IREB2: variants seen among roughly 807,000 people sequenced by gnomAD.
IREB2 encodes iron-responsive element-binding protein 2.
Under a neutral mutation model 118.8 loss-of-function variants are expected in IREB2, and 39 were observed. The observed-to-expected ratio is 0.33, with a 90% confidence interval of 0.25 to 0.43. The LOEUF (loss-of-function observed/expected upper bound fraction) is 0.43. Ranked by LOEUF, IREB2 falls within the 20% of genes least tolerant of loss-of-function variation. The pLI is 1.00. For synonymous variants in IREB2, 372 were observed against 392.2 expected, an observed-to-expected ratio of 0.95 and a Z score of 0.61; for missense variants, 900 against 1,147.3, an observed-to-expected ratio of 0.78 and a Z score of 3.11.
chr15:78,439,956 G>T (rs1174570331), intron 2 of IREB2, 75 bp downstream of exon 2: 1 of 900,374 alleles, frequency 1.1e-6, no homozygotes, highest in East Asian at 2.5e-5. Context: ...CTGAGCTGAA[G>T]AAATTTTAAA....
chr15:78,467,020 C>T (rs1003307464), intron 5 of IREB2, among the ~76,000 whole-genome samples: 1 of 151,430 alleles, frequency 6.6e-6, no homozygotes, highest in African/African-American at 2.4e-5. Context: ...AGTTTGAGAC[C>T]AGCCTGGGCA....
chr15:78,487,742 C>A lies in IREB2; in HGVS notation c.1719C>A (p.Ile573=), dbSNP rs199811748. 6.3e-7 allele frequency: 1 copy of A among 1,592,714 alleles called. No individual in the cohort carries two copies. The highest frequency in any genetic ancestry group is 8.6e-7 in the Non-Finnish European group (1 of 1,162,028). The stretch of plus-strand genomic sequence containing the variant: ...TTTTTTTGAAATGCAGATTTGAAAT[C>A]GTTGGCTATGGATGTTCAATTTGTG... ...LPYLSKLGFE[I]VGYGCSICVG... is the part of the protein sequence containing the mutation. Residue 573 remains isoleucine (I), a synonymous_variant, in exon 14 of 22, where the codon ATC becomes ATA. Coordinates refer to ENST00000258886, the MANE Select transcript of IREB2 (RefSeq NM_004136.4).
At chr15:78,445,132 CTT>C in intron 2 of IREB2, among the ~76,000 whole-genome samples, 1 of 134,494 alleles carries the variant, frequency 7.4e-6, no homozygotes, top group Non-Finnish European at 1.7e-5. Flanking sequence ...TGGTTCCAGT[CTT>C]TATTTTTTTT....
At chr15:78,444,525 G>A (rs1202917039) in intron 2 of IREB2, among the ~76,000 whole-genome samples, 1 of 151,908 alleles carries the variant, frequency 6.6e-6, no homozygotes, top group Non-Finnish European at 1.5e-5. Flanking sequence ...TTTAACCACA[G>A]TACTGCTTAG....
intron 4 of IREB2, 75 bp downstream of exon 4, chr15:78,465,463 A>T: frequency 1.5e-6 from 2 of 1,317,956 alleles, no homozygotes; most frequent in South Asian, 2.9e-5. Context: ...AGGAAAAGGA[A>T]TAGAGATAAT....
intron 2 of IREB2, among the ~76,000 whole-genome samples, chr15:78,446,342 T>C (rs1009985235): frequency 6.6e-6 from 1 of 152,192 alleles, no homozygotes; most frequent in African/African-American, 2.4e-5. Flanking sequence ...ATTTCAACTT[T>C]GTTTTTATTG....
chr15:78,455,137 G>A (rs1038557626), intron 2 of IREB2, among the ~76,000 whole-genome samples: 4 of 152,194 alleles, frequency 2.6e-5, no homozygotes, highest in African/African-American at 4.8e-5. Context: ...AATAAATGTA[G>A]GGTTTGGGGA....
chr15:78,449,388 A>G (rs2050985462), intron 2 of IREB2, among the ~76,000 whole-genome samples: 1 of 152,200 alleles, frequency 6.6e-6, no homozygotes, highest in South Asian at 2.1e-4. Flanking sequence ...CTGTTACAGC[A>G]GGGGTTGCAA....
intron 2 of IREB2, among the ~76,000 whole-genome samples, chr15:78,458,467 C>A (rs926704765): frequency 1.1e-4 from 16 of 152,070 alleles, no homozygotes; most frequent in Non-Finnish European, 1.6e-4. Flanking sequence ...AAAAATTAAG[C>A]CTCTCATTAT....
intron 11 of IREB2, 66 bp downstream of exon 11, chr15:78,483,500 A>AG: frequency 1.2e-6 from 1 of 845,610 alleles, no homozygotes; most frequent in Non-Finnish European, 2.1e-6. Context: ...AGAACCAACA[A>AG]GGTGACCCAT....
intron 2 of IREB2, among the ~76,000 whole-genome samples, chr15:78,456,968 T>A (rs565539537): frequency 3.9e-5 from 6 of 152,332 alleles, no homozygotes; most frequent in East Asian, 3.9e-4. Flanking sequence ...ATTTGGCACT[T>A]CTTCTGTATA....
intron 2 of IREB2, among the ~76,000 whole-genome samples, chr15:78,454,343 A>G (rs1250653664): frequency 6.6e-6 from 1 of 152,260 alleles, no homozygotes; most frequent in Non-Finnish European, 1.5e-5. Context: ...ACTATTTGGC[A>G]GTAAAAAGAA....
At chr15:78,439,739 C>A in intron 1 of IREB2, 56 bp from the exon 2 acceptor site, 1 of 954,786 alleles carries the variant, frequency 1.0e-6, no homozygotes, top group Non-Finnish European at 1.6e-6. Context: ...CAGGTATTTT[C>A]AGCTGAATAA....
chr15:78,444,149 C>T (rs2050890060), intron 2 of IREB2, among the ~76,000 whole-genome samples: 1 of 151,674 alleles, frequency 6.6e-6, no homozygotes. Flanking sequence ...CCTTGAACTC[C>T]TGAGCTCAGG....
At position 78,470,535 on chromosome 15, in the gene IREB2, T is replaced by C; in HGVS notation, c.633T>C (p.Pro211=). 1 of 1,590,238 alleles carries C rather than the reference T, an allele frequency of 6.3e-7. No individual in the cohort carries two copies. The change falls in exon 6 of 22, where the codon CCT becomes CCC. Residue 211 remains proline (P), a synonymous_variant. Transcript: ENST00000258886. The part of the protein sequence containing the change: ...CPFHLQPVPE[P]ETVLKNQEVE... ...TGCCAGCTCTTCTTCCTTTTAGACC[T>C]GAAACAGTGTTAAAAAATCAAGAAG...
At chr15:78,455,009 AAG>A (rs1246092528) in intron 2 of IREB2, among the ~76,000 whole-genome samples, 1 of 151,918 alleles carries the variant, frequency 6.6e-6, no homozygotes, top group Admixed American at 6.5e-5. Context: ...AGTTTTAAAA[AAG>A]AGAGAATAGT....
At chr15:78,479,265 G>C (rs1247212221) in intron 10 of IREB2, among the ~76,000 whole-genome samples, 1 of 151,770 alleles carries the variant, frequency 6.6e-6, no homozygotes, top group East Asian at 1.9e-4. Flanking sequence ...TGGCTGAGGG[G>C]GTAGCTATCA....
chr15:78,457,072 G>A (rs942710239), intron 2 of IREB2, among the ~76,000 whole-genome samples: 2 of 152,134 alleles, frequency 1.3e-5, no homozygotes, highest in Non-Finnish European at 2.9e-5. Flanking sequence ...AATGATGATT[G>A]TATCTCATCT....
intron 18 of IREB2, among the ~76,000 whole-genome samples, chr15:78,492,452 G>A (rs755780330): frequency 6.6e-6 from 1 of 152,176 alleles, no homozygotes; most frequent in African/African-American, 2.4e-5. Context: ...CTCAGGGTCA[G>A]GACCAGCTCA....
Sources: allele counts gnomAD v4.1 joint callset (sites outside exome capture counted in the v4.1 genomes callset), GRCh38; gene constraint gnomAD v4.1.1; transcripts MANE v1.5; gene names NCBI Gene and HGNC (gene_info 2026-07-23, HGNC 2026-07-21).